The following GLCCI1 variants were observed in gnomAD, a reference collection of about 807,000 sequenced individuals.
The protein encoded by GLCCI1 is glucocorticoid induced 1.
A neutral mutation model predicts 52.2 loss-of-function variants in GLCCI1; 24 were observed. The observed-to-expected ratio is 0.46, with a 90% confidence interval of 0.33 to 0.65. The LOEUF (loss-of-function observed/expected upper bound fraction) is 0.65. Among genes scored for constraint, GLCCI1 ranks in the 30% least tolerant of loss-of-function variants. The probability of loss-of-function intolerance (pLI) is 0.02; values close to 1 mark genes in which losing one functional copy is unlikely to be tolerated. For missense variants in GLCCI1, 704 were observed against 701.5 expected (o/e 1.00, Z -0.04); for synonymous variants, 310 against 276.5 (o/e 1.12, Z -1.20).
intron 3 of GLCCI1, among the ~76,000 whole-genome samples, chr7:8,036,887 G>T (rs1781879651): frequency 6.6e-6 from 1 of 152,128 alleles, no homozygotes; most frequent in East Asian, 1.9e-4. Context: ...CCTTTGAGAA[G>T]TATGAGATTA....
chr7:8,060,222 A>G lies in GLCCI1; in HGVS notation c.940A>G (p.Asn314Asp), dbSNP rs375359704. The G allele has an allele frequency of 5.6e-6, 9 of 1,611,832 alleles. No individual in the cohort carries two copies. The highest frequency in any genetic ancestry group is 7.6e-6 in the Non-Finnish European group (9 of 1,178,136). Residue 314 changes from asparagine (N) to aspartate (D), a missense_variant, in exon 5 of 8, where the codon AAT becomes GAT. Around this residue, in one of 3 missense-constraint regions of GLCCI1, gnomAD observed 547 missense variants for 524.8 expected, o/e 1.04. Coordinates refer to ENST00000223145, the MANE Select transcript of GLCCI1 (RefSeq NM_138426.4). ...PELEKVFIKENNGKEEVSKPL... is the reference protein window; with the variant it reads ...PELEKVFIKEDNGKEEVSKPL... The stretch of plus-strand genomic sequence containing the variant: ...ATTAGAAAAGGTATTCATTAAAGAA[A>G]ATAATGGGAAGGAAGAAGTATCCAA...
intron 1 of GLCCI1, among the ~76,000 whole-genome samples, chr7:7,986,385 G>GCT (rs1266007089): frequency 6.6e-6 from 1 of 151,756 alleles, no homozygotes; most frequent in Admixed American, 6.6e-5. Flanking sequence ...AGGGGGAGGG[G>GCT]GGGGTGGCAG....
At chr7:8,051,341 G>T (rs752144891) in intron 3 of GLCCI1, among the ~76,000 whole-genome samples, 10 of 152,174 alleles carry the variant, frequency 6.6e-5, no homozygotes, top group Non-Finnish European at 1.5e-4. Context: ...TAGCTCCCCA[G>T]CCCTCTTGAA....
chr7:8,076,422 G>T (rs1354189553), intron 6 of GLCCI1, among the ~76,000 whole-genome samples: 1 of 152,142 alleles, frequency 6.6e-6, no homozygotes, highest in Non-Finnish European at 1.5e-5. Flanking sequence ...GGTTAAAATT[G>T]ATCTATTCTA....
At chr7:8,044,448 G>C (rs1010050676) in intron 3 of GLCCI1, among the ~76,000 whole-genome samples, 1 of 150,766 alleles carries the variant, frequency 6.6e-6, no homozygotes. Context: ...GGCTCACTGC[G>C]GCCTCGACCT....
At chr7:8,053,416 A>G (rs1782311301) in intron 3 of GLCCI1, among the ~76,000 whole-genome samples, 1 of 148,030 alleles carries the variant, frequency 6.8e-6, no homozygotes, top group Non-Finnish European at 1.5e-5. Flanking sequence ...CTCCCCCTCC[A>G]GGTTCAAGCA....
At chr7:8,072,344 A>G in intron 6 of GLCCI1, among the ~76,000 whole-genome samples, 1 of 152,180 alleles carries the variant, frequency 6.6e-6, no homozygotes, top group East Asian at 1.9e-4. Flanking sequence ...ATGTGGGTAG[A>G]TCTTAACAGT....
At chr7:8,045,279 T>G (rs1398467856) in intron 3 of GLCCI1, among the ~76,000 whole-genome samples, 8 of 152,078 alleles carry the variant, frequency 5.3e-5, no homozygotes, top group Admixed American at 4.6e-4. Flanking sequence ...AAGGCACACT[T>G]ACAGATGCAC....
chr7:7,978,468 T>C (rs1025197698), intron 1 of GLCCI1, among the ~76,000 whole-genome samples: 1 of 152,208 alleles, frequency 6.6e-6, no homozygotes, highest in African/African-American at 2.4e-5. Flanking sequence ...TTAGGTTTGT[T>C]GATGTAATAT....
chr7:8,014,375 A>C (rs562381809), intron 2 of GLCCI1, among the ~76,000 whole-genome samples: 1 of 152,202 alleles, frequency 6.6e-6, no homozygotes, highest in Non-Finnish European at 1.5e-5. Context: ...TTTGCTGTGA[A>C]GCATGTGTGT....
chr7:8,047,547 A>G (rs768972241), intron 3 of GLCCI1, among the ~76,000 whole-genome samples: 2 of 152,238 alleles, frequency 1.3e-5, no homozygotes, highest in African/African-American at 2.4e-5. Context: ...AGCATTCATT[A>G]TCAGCCTTTG....
At chr7:7,979,382 G>T (rs1168471168) in intron 1 of GLCCI1, among the ~76,000 whole-genome samples, 2 of 151,876 alleles carry the variant, frequency 1.3e-5, no homozygotes, top group African/African-American at 4.8e-5. Context: ...TCCTTGTTCA[G>T]AAATATGCTA....
intron 1 of GLCCI1, among the ~76,000 whole-genome samples, chr7:7,992,051 CTTTCTTTCT>C (rs1562419493): frequency 2.0e-5 from 2 of 98,712 alleles, no homozygotes; most frequent in African/African-American, 8.1e-5. Context: ...TTTTTTCTTT[CTTTCTTTCT>C]TTCTTTCTTT....
At chr7:7,988,506 T>C (rs1780780816) in intron 1 of GLCCI1, among the ~76,000 whole-genome samples, 1 of 152,206 alleles carries the variant, frequency 6.6e-6, no homozygotes, top group Non-Finnish European at 1.5e-5. Flanking sequence ...TCTAGTCTTT[T>C]TGAAGTACTT....
chr7:8,023,588 C>CTTTTTATTTGTTTTTTTT (rs1781544397), intron 3 of GLCCI1, among the ~76,000 whole-genome samples: 1 of 41,984 alleles, frequency 2.4e-5, no homozygotes, highest in Non-Finnish European at 4.3e-5. Context: ...CTCTGTTATT[C>CTTTTTATTTGTTTTTTTT]TTTTTTTTTT....
At chr7:8,024,592 A>G (rs1401262283) in intron 3 of GLCCI1, 1 of 152,356 alleles carries the variant, frequency 6.6e-6, no homozygotes, top group East Asian at 1.9e-4. Context: ...TAAATATGAA[A>G]GAGTTTTTAA....
chr7:8,034,972 T>C (rs1781834329), intron 3 of GLCCI1, among the ~76,000 whole-genome samples: 1 of 152,158 alleles, frequency 6.6e-6, no homozygotes, highest in African/African-American at 2.4e-5. Flanking sequence ...ACCCGAGCTG[T>C]GATGGCAGGC....
At chr7:8,063,060 A>G (rs1046814094) in intron 5 of GLCCI1, among the ~76,000 whole-genome samples, 3 of 152,204 alleles carry the variant, frequency 2.0e-5, no homozygotes, top group Admixed American at 6.5e-5. Flanking sequence ...CACAGTGGCT[A>G]AACTTACTTA....
intron 5 of GLCCI1, among the ~76,000 whole-genome samples, chr7:8,061,745 T>C (rs917682645): frequency 4.3e-5 from 6 of 141,092 alleles, no homozygotes; most frequent in Non-Finnish European, 9.0e-5. Context: ...CGGCTCACTG[T>C]AACCTCCTCC....
Sources: allele counts gnomAD v4.1 joint callset (sites outside exome capture counted in the v4.1 genomes callset), GRCh38; gene constraint gnomAD v4.1.1; regional missense constraint gnomAD v4.1.1; transcripts MANE v1.5; gene names NCBI Gene and HGNC (gene_info 2026-07-23, HGNC 2026-07-21).